The following NPAS3 variants were observed in gnomAD, a reference collection of about 807,000 sequenced individuals.
The protein encoded by NPAS3 is neuronal PAS domain protein 3, also known as neuronal PAS domain-containing protein 3.
A neutral mutation model predicts 73.1 loss-of-function variants in NPAS3; 14 were observed. The ratio of observed to expected loss-of-function variants is 0.19; its 90% CI spans 0.13 to 0.30. The LOEUF is 0.30. NPAS3 is among the 10% of genes least tolerant of loss of function. The probability of loss-of-function intolerance (pLI) is 1.00; values close to 1 mark genes in which losing one functional copy is unlikely to be tolerated. For missense variants in NPAS3, 1,096 were observed against 1,250.0 expected (o/e 0.88, Z 1.86); for synonymous variants, 620 against 541.5 (o/e 1.14, Z -2.01).
intron 1 of NPAS3, 100 bp from the exon 2 acceptor site, chr14:33,055,805 A>G: frequency 3.5e-6 from 2 of 577,818 alleles, no homozygotes; most frequent in South Asian, 2.5e-5. Flanking sequence ...AAAAGCGTAA[A>G]AAGCAAAATA....
intron 5 of NPAS3, among the ~76,000 whole-genome samples, chr14:33,600,647 C>T (rs997922925): frequency 2.6e-5 from 4 of 152,128 alleles, no homozygotes; most frequent in Non-Finnish European, 4.4e-5. Context: ...TAATTACTGG[C>T]TAACGATGAC....
At chr14:33,089,675 C>A (rs1379602201) in intron 2 of NPAS3, among the ~76,000 whole-genome samples, 2 of 152,090 alleles carry the variant, frequency 1.3e-5, no homozygotes, top group East Asian at 3.9e-4. Flanking sequence ...TCGAGAAGAG[C>A]AACTCCAAGA....
chr14:33,092,998 C>A lies in NPAS3; in HGVS notation c.140+37004C>A, dbSNP rs1335120170. ...ATGGATCAAAGACTTAAATGTTAGA[C>A]CTAAAACCGTAGAAACCCTAGAAGA... is the stretch of plus-strand genomic sequence containing the variant. On this transcript the variant is annotated intron_variant, in intron 2 of 11. Coordinates refer to ENST00000356141, the Ensembl canonical transcript of NPAS3. 3.9e-5 allele frequency among the ~76,000 whole-genome samples: 6 copies of A among 152,284 alleles called. No homozygotes were observed. In the East Asian group the frequency reaches 1.2e-3, roughly 29 times the overall value.
At chr14:33,264,754 TC>T (rs2049108760) in intron 3 of NPAS3, among the ~76,000 whole-genome samples, 1 of 152,130 alleles carries the variant, frequency 6.6e-6, no homozygotes, top group African/African-American at 2.4e-5. Context: ...GATATTCATT[TC>T]CTTCCTCTCC....
chr14:33,153,395 T>C (rs2044530944), intron 2 of NPAS3, among the ~76,000 whole-genome samples: 1 of 152,130 alleles, frequency 6.6e-6, no homozygotes, highest in African/African-American at 2.4e-5. Context: ...ATGTCTGTTA[T>C]CTTTAAATTT....
intron 1 of NPAS3, among the ~76,000 whole-genome samples, chr14:32,943,969 C>T (rs952369868): frequency 1.3e-5 from 2 of 152,076 alleles, no homozygotes; most frequent in Non-Finnish European, 2.9e-5. Flanking sequence ...GGATTACAGG[C>T]GTGAGCCACT....
At chr14:33,696,857 G>A (rs1324068938) in intron 6 of NPAS3, among the ~76,000 whole-genome samples, 1 of 152,168 alleles carries the variant, frequency 6.6e-6, no homozygotes, top group Non-Finnish European at 1.5e-5. Flanking sequence ...AGTTACCCCT[G>A]CATCTAGAAT....
intron 2 of NPAS3, among the ~76,000 whole-genome samples, chr14:33,094,591 G>C (rs1260771789): frequency 6.6e-6 from 1 of 151,540 alleles, no homozygotes; most frequent in East Asian, 1.9e-4. Context: ...TCAGCCTCTC[G>C]AGTAGCTGGG....
At chr14:33,280,044 G>A (rs751972225) in intron 3 of NPAS3, among the ~76,000 whole-genome samples, 6 of 152,118 alleles carry the variant, frequency 3.9e-5, no homozygotes, top group Non-Finnish European at 8.8e-5. Context: ...GAAGGCAAGC[G>A]TGTATGCTGA....
At chr14:33,719,942 G>T (rs1438861244) in intron 6 of NPAS3, among the ~76,000 whole-genome samples, 2 of 151,994 alleles carry the variant, frequency 1.3e-5, no homozygotes, top group Non-Finnish European at 2.9e-5. Flanking sequence ...AACAGAATTT[G>T]GGAGTTTTAT....
chr14:33,652,996 G>A (rs1008143353), intron 5 of NPAS3, among the ~76,000 whole-genome samples: 9 of 152,186 alleles, frequency 5.9e-5, no homozygotes, highest in Non-Finnish European at 7.4e-5. Flanking sequence ...TGGTCAGTCC[G>A]AGGAAGGAAT....
intron 1 of NPAS3, among the ~76,000 whole-genome samples, chr14:32,995,739 A>G (rs1334120457): frequency 1.3e-5 from 2 of 152,186 alleles, no homozygotes; most frequent in African/African-American, 2.4e-5. Flanking sequence ...GCCTTCTATC[A>G]TGATTGTGAG....
In NPAS3 at chr14:33,010,955, AG is replaced by A. The variant is rs71118523; in HGVS notation, c.51-44949del. Among the ~76,000 whole-genome samples, 112 of 38,672 alleles carry A rather than the reference AG, an allele frequency of 2.9e-3. 6 individuals carry two copies. The East Asian group carries it at 0.064, about 22-fold the overall frequency. 25.4% of individuals were successfully genotyped at this position (38,672 alleles called of 152,430 possible). A position where few individuals can be genotyped will look rare whatever the true frequency, so the allele number is the denominator to read the frequency against. The stretch of plus-strand genomic sequence containing the variant: ...ACCTGTCTCAAAAAAAAAAAAAAAA[AG>A]AAAAGAAAAACATTGACATAAATGT... On this transcript the variant is annotated intron_variant, in intron 1 of 11. Transcript: ENST00000356141.
downstream of NPAS3, chr14:33,802,376 T>TAAAAAAAAAAAAAAAAAAAAAAAA (rs71293230): frequency 2.2e-4 from 21 of 95,666 alleles, no homozygotes; most frequent in East Asian, 6.9e-4. Flanking sequence ...GCACATTAAG[T>TAAAAAAAAAAAAAAAAAAAAAAAA]AAAAAAAAAA....
At chr14:33,638,647 G>A (rs76963266) in intron 5 of NPAS3, among the ~76,000 whole-genome samples, 6,557 of 152,284 alleles carry the variant, frequency 0.043, 194 homozygotes, top group Non-Finnish European at 0.061. Context: ...TTTGCAGTTG[G>A]TAGGGGCAAC....
chr14:33,551,363 A>T (rs1005863107), intron 4 of NPAS3, among the ~76,000 whole-genome samples: 3 of 152,098 alleles, frequency 2.0e-5, no homozygotes, highest in Non-Finnish European at 4.4e-5. Context: ...AGCATTTATT[A>T]TTTTGTCTTA....
At chr14:33,278,827 T>A (rs568788234) in intron 3 of NPAS3, among the ~76,000 whole-genome samples, 1 of 152,286 alleles carries the variant, frequency 6.6e-6, no homozygotes, top group South Asian at 2.1e-4. Flanking sequence ...TCTTAAAAAA[T>A]GTTAAGAAGC....
At chr14:33,165,397 A>G (rs1296207174) in intron 2 of NPAS3, among the ~76,000 whole-genome samples, 3 of 151,868 alleles carry the variant, frequency 2.0e-5, no homozygotes, top group Non-Finnish European at 4.4e-5. Context: ...ACTGCATTCC[A>G]TGGGATTTCT....
intron 3 of NPAS3, among the ~76,000 whole-genome samples, chr14:33,363,922 CTGTGTG>C (rs10627532): frequency 1.8e-4 from 27 of 148,772 alleles, no homozygotes; most frequent in African/African-American, 4.7e-4. Flanking sequence ...GCAATGCCCT[CTGTGTG>C]TGTGTGTGTG....
Sources: gnomAD v4.1 joint callset for allele counts (sites outside exome capture counted in the v4.1 genomes callset) on GRCh38, gnomAD v4.1.1 for gene constraint, MANE v1.5 for transcripts, NCBI Gene and HGNC (gene_info 2026-07-23, HGNC 2026-07-21) for gene names.